The following ELAVL3 variants were observed in gnomAD, a reference collection of about 807,000 sequenced individuals.
The protein encoded by ELAVL3 is ELAV like RNA binding protein 3, also known as ELAV-like protein 3.
A neutral mutation model predicts 34.2 loss-of-function variants in ELAVL3; 8 were observed. That is an observed-to-expected ratio of 0.23 (90% CI 0.14 to 0.42). The LOEUF is 0.42. Ranked by LOEUF, ELAVL3 falls within the 10% of genes least tolerant of loss-of-function variation. The pLI, the probability that ELAVL3 is intolerant of heterozygous loss-of-function variation, is 1.00. For synonymous variants in ELAVL3, 209 were observed against 222.1 expected (o/e 0.94, Z 0.53); for missense variants, 273 against 518.8 (o/e 0.53, Z 4.60).
At chr19:11,471,038 C>T (rs910195149) in intron 1 of ELAVL3, among the ~76,000 whole-genome samples, 1 of 152,054 alleles carries the variant, frequency 6.6e-6, no homozygotes, top group African/African-American at 2.4e-5. Flanking sequence ...TTGGGCTAGA[C>T]GCAGTGGCTC....
rs905725343 is a variant in ELAVL3 at position 11,452,281 on chromosome 19, G to C, written c.*2245C>G. 3.9e-5 allele frequency: 6 copies of C among 152,022 alleles called. No individual in the cohort carries two copies. The highest frequency in any genetic ancestry group is 1.4e-4 in the African/African-American group (6 of 41,380). 9.4% of individuals were successfully genotyped at this position (152,022 alleles called of 1,614,324 possible). On this transcript the variant is annotated 3_prime_UTR_variant, in exon 7 of 7. Transcript: ENST00000359227. ...AATAAATTAGGCATAACCATGTCTC[G>C]GCAAAACTTAAAGAAACAAAGAGAA...
chr19:11,465,250 TACAC>T (rs965820969), intron 3 of ELAVL3, among the ~76,000 whole-genome samples: 1 of 60,266 alleles, frequency 1.7e-5, no homozygotes, highest in African/African-American at 6.9e-5. Context: ...ACCACACACA[TACAC>T]ACCGCACACA....
At chr19:11,464,710 C>CG (rs1970980141) in intron 3 of ELAVL3, among the ~76,000 whole-genome samples, 1 of 133,086 alleles carries the variant, frequency 7.5e-6, no homozygotes, top group African/African-American at 2.9e-5. Flanking sequence ...ACCACACACA[C>CG]CACACACACA....
chr19:11,470,921 C>T (rs1313713678), intron 1 of ELAVL3, among the ~76,000 whole-genome samples: 1 of 152,184 alleles, frequency 6.6e-6, no homozygotes, highest in Non-Finnish European at 1.5e-5. Flanking sequence ...TTGTAGTTCA[C>T]TGCAGCCTCA....
chr19:11,480,554 A>T lies in ELAVL3; in HGVS notation c.9+46T>A. 6.7e-7 allele frequency: 1 copy of T among 1,502,632 alleles called. No homozygotes were observed. The highest frequency in any genetic ancestry group is 2.2e-5 in the Admixed American group (1 of 45,616). 93.1% of individuals were successfully genotyped at this position (1,502,632 alleles called of 1,614,324 possible). On this transcript the variant is annotated intron_variant, in intron 1 of 6. Transcript: ENST00000359227. The surrounding 1 kb of genome is among the most constrained non-coding windows in gnomAD (Gnocchi z 6.8). ...CCAATCTCCGCGGAGCCTGGGCCCAACTCCTCCCCGTCCCGATTCCCTTTC... is the reference window on the plus strand; with the variant it reads ...CCAATCTCCGCGGAGCCTGGGCCCATCTCCTCCCCGTCCCGATTCCCTTTC...
In ELAVL3 at chr19:11,453,795, C is replaced by T. The variant is rs1184862241; in HGVS notation, c.*731G>A. ...CCTGCTCCCTGGGCCCCCCCCACCC[C>T]CGCCCCAGTTGGTAAACATAACCTG... is the stretch of plus-strand genomic sequence containing the variant. On this transcript the variant is annotated 3_prime_UTR_variant, in exon 7 of 7. Transcript: ENST00000359227. 6.6e-6 allele frequency: 1 copy of T among 151,378 alleles called. No homozygotes were observed. The highest frequency in any genetic ancestry group is 1.5e-5 in the Non-Finnish European group (1 of 67,566). The allele number at this position is 151,378 out of a possible 1,614,324, so 9.4% of individuals were successfully genotyped here.
Position 11,480,264 on chromosome 19 carries a change from G to A in ELAVL3, c.9+336C>T. 3.3e-6 allele frequency: 1 copy of A among 305,552 alleles called. No homozygotes were observed. The highest frequency in any genetic ancestry group is 6.0e-6 in the Non-Finnish European group (1 of 166,110). The allele number at this position is 305,552 out of a possible 1,614,324, so 18.9% of individuals were successfully genotyped here. A position where few individuals can be genotyped will look rare whatever the true frequency, so the allele number is the denominator to read the frequency against. On this transcript the variant is annotated intron_variant, in intron 1 of 6. Transcript: ENST00000359227. This position sits in a 1 kb window ranked among gnomAD's most constrained non-coding sequence, Gnocchi z 6.8. ...TGCGTTTGCCTGGGCGGCCTGCGGGGTCTGGGCCTGGATGGAGGAAGCATC... is the reference window on the plus strand; with the variant it reads ...TGCGTTTGCCTGGGCGGCCTGCGGGATCTGGGCCTGGATGGAGGAAGCATC...
At chr19:11,477,847 C>T (rs1971291316) in intron 1 of ELAVL3, among the ~76,000 whole-genome samples, 1 of 152,166 alleles carries the variant, frequency 6.6e-6, no homozygotes, top group African/African-American at 2.4e-5. Flanking sequence ...CACCATCGCG[C>T]CCCGCTAACT....
At chr19:11,465,115 CCA>C (rs1568382826) in intron 3 of ELAVL3, among the ~76,000 whole-genome samples, 4 of 102,584 alleles carry the variant, frequency 3.9e-5, no homozygotes, top group Non-Finnish European at 8.5e-5. Flanking sequence ...TACACATACA[CCA>C]CACACATACA....
At chr19:11,465,250 TACACA>T (rs1971020169) in intron 3 of ELAVL3, among the ~76,000 whole-genome samples, 1 of 60,266 alleles carries the variant, frequency 1.7e-5, no homozygotes, top group African/African-American at 6.9e-5. Context: ...ACCACACACA[TACACA>T]CCGCACACAT....
At chr19:11,455,299 AT>A (rs566267500) in intron 6 of ELAVL3, among the ~76,000 whole-genome samples, 9,288 of 122,880 alleles carry the variant, frequency 0.076, 846 homozygotes, top group African/African-American at 0.23. Context: ...TGCCCCACTA[AT>A]TTTTTTTTTT....
Position 11,454,603 on chromosome 19 carries a change from C to A in ELAVL3, c.1027G>T (p.Ala343Ser). 6.2e-7 allele frequency: 1 copy of A among 1,614,206 alleles called. No individual in the cohort carries two copies. Among genetic ancestry groups the A allele is most frequent in the Non-Finnish European group, 8.5e-7 (1 of 1,180,016 alleles). Residue 343 changes from alanine to serine, a missense_variant, in exon 7 of 7, where the codon GCC (alanine) becomes TCC (serine). Physicochemically the swap from Ala to Ser is moderately conservative, Grantham distance 99. Coordinates refer to ENST00000359227, the MANE Select transcript of ELAVL3 (RefSeq NM_001420.4). The surrounding 1 kb of genome is among the most constrained non-coding windows in gnomAD (Gnocchi z 9.2). The part of the protein sequence containing the change: ...TNYDEAAMAI[A>S]SLNGYRLGER... ...CCCAGGCGATAGCCGTTCAGGCTGG[C>A]GATGGCCATGGCCGCCTCGTCATAG... is the stretch of plus-strand genomic sequence containing the variant.
intron 1 of ELAVL3, among the ~76,000 whole-genome samples, chr19:11,468,413 A>AT (rs761406195): frequency 0.018 from 2,334 of 128,914 alleles, 51 homozygotes; most frequent in African/African-American, 0.058. Flanking sequence ...TTTATTCCTG[A>AT]TTTTTTTTTT....
intron 3 of ELAVL3, among the ~76,000 whole-genome samples, chr19:11,459,223 A>G (rs1970834112): frequency 6.6e-6 from 1 of 151,526 alleles, no homozygotes; most frequent in Non-Finnish European, 1.5e-5. Flanking sequence ...ACCGGGTTCA[A>G]GCAATTCTCC....
At chr19:11,460,071 C>T (rs1326817136) in intron 3 of ELAVL3, among the ~76,000 whole-genome samples, 2 of 151,970 alleles carry the variant, frequency 1.3e-5, no homozygotes, top group African/African-American at 4.8e-5. Context: ...TCATACACAG[C>T]ACGGGTGCCT....
chr19:11,454,967 T>C lies in ELAVL3; in HGVS notation c.753-90A>G. The C allele has an allele frequency of 7.1e-7, 1 of 1,398,886 alleles. No homozygotes were observed. Among genetic ancestry groups the C allele is most frequent in the South Asian group, 1.4e-5 (1 of 73,414 alleles). The allele number at this position is 1,398,886 out of a possible 1,614,324, so 86.7% of individuals were successfully genotyped here. On this transcript the variant is annotated intron_variant, in intron 6 of 6. Transcript: ENST00000359227. The surrounding 1 kb of genome is among the most constrained non-coding windows in gnomAD (Gnocchi z 9.2). ...TTCACACCTTTATGACCCCTGACTG[T>C]GCCATGACCTTGGAATGGTGTGACC... is the stretch of plus-strand genomic sequence containing the variant.
intron 5 of ELAVL3, among the ~76,000 whole-genome samples, chr19:11,457,464 G>C (rs1358801617): frequency 6.6e-6 from 1 of 152,244 alleles, no homozygotes; most frequent in Non-Finnish European, 1.5e-5. Context: ...AAAGGCGACA[G>C]TAACTACCAC....
intron 1 of ELAVL3, among the ~76,000 whole-genome samples, chr19:11,471,505 C>T (rs1390719649): frequency 1.3e-5 from 2 of 151,862 alleles, no homozygotes; most frequent in African/African-American, 4.8e-5. Flanking sequence ...CCCAGCTACT[C>T]AGGAGGCTGA....
rs1971095649 is a variant in ELAVL3 at position 11,468,249 on chromosome 19, C to T, written c.10-1422G>A. Among the ~76,000 whole-genome samples the T allele has an allele frequency of 2.0e-5, 3 of 152,246 alleles. No homozygotes were observed. In the East Asian group the frequency reaches 5.8e-4, roughly 29 times the overall value. On this transcript the variant is annotated intron_variant, in intron 1 of 6. Coordinates refer to ENST00000359227, the MANE Select transcript of ELAVL3 (RefSeq NM_001420.4). Reference sequence around the variant, plus strand: ...ACCTGCCTTCATCTCCCCTTGCCACCCCCAGTTTTCCCACTGAGCTATTTT... The same window carrying T: ...ACCTGCCTTCATCTCCCCTTGCCACTCCCAGTTTTCCCACTGAGCTATTTT...
Sources: allele counts gnomAD v4.1 joint callset (sites outside exome capture counted in the v4.1 genomes callset), GRCh38; gene constraint gnomAD v4.1.1; non-coding constraint Gnocchi (gnomAD v3.1); transcripts MANE v1.5; gene names NCBI Gene and HGNC (gene_info 2026-07-23, HGNC 2026-07-21).